The following KIZ variants were observed in gnomAD, a reference collection of about 807,000 sequenced individuals.
The protein encoded by KIZ is centrosomal protein kizuna.
Under a neutral mutation model 79.6 loss-of-function variants are expected in KIZ, and 68 were observed. That is an observed-to-expected ratio of 0.85 (90% confidence interval 0.70 to 1.05). KIZ has a LOEUF of 1.05. Ranked by LOEUF, KIZ falls within the 50% of genes least tolerant of loss-of-function variation. The pLI is 0.00. For missense variants in KIZ, 797 were observed against 800.4 expected, an observed-to-expected ratio of 1.00 and a Z score of 0.05; for synonymous variants, 280 against 281.8, an observed-to-expected ratio of 0.99 and a Z score of 0.06.
At chr20:21,126,240 G>A in intron 1 of KIZ, 36 bp downstream of exon 1, 1 of 1,310,418 alleles carries the variant, frequency 7.6e-7, no homozygotes, top group Non-Finnish European at 1.0e-6. Flanking sequence ...GAGTCGGCCC[G>A]CGCCGGGGGT....
At chr20:21,182,227 G>A (rs1293061078) in intron 6 of KIZ, among the ~76,000 whole-genome samples, 1 of 150,612 alleles carries the variant, frequency 6.6e-6, no homozygotes, top group Non-Finnish European at 1.5e-5. Context: ...AGAGACACAA[G>A]AGAGCTCTGT....
chr20:21,238,050 T>C (rs1207745000), intron 11 of KIZ, among the ~76,000 whole-genome samples: 5 of 152,034 alleles, frequency 3.3e-5, no homozygotes, highest in Non-Finnish European at 5.9e-5. Flanking sequence ...AGGCTGGTCT[T>C]GAACTCCTGA....
chr20:21,137,607 CTTGTTATATTTGCT>C (rs1355224330), intron 3 of KIZ, among the ~76,000 whole-genome samples: 7 of 150,848 alleles, frequency 4.6e-5, no homozygotes, highest in African/African-American at 1.7e-4. Flanking sequence ...TTGTAAATAT[CTTGTTATATTTGCT>C]TTGTATGTGT....
intron 2 of KIZ, chr20:21,132,985 G>A (rs2031948003): frequency 1.3e-5 from 2 of 152,214 alleles, no homozygotes; most frequent in African/African-American, 4.8e-5. Context: ...ATTAAGAGCA[G>A]ATCTTAAATA....
chr20:21,190,265 C>G (rs1051123984), intron 6 of KIZ, among the ~76,000 whole-genome samples: 3 of 152,232 alleles, frequency 2.0e-5, no homozygotes, highest in African/African-American at 7.2e-5. Context: ...GTAGTCCTCA[C>G]AGTTGACGGC....
At chr20:21,216,712 C>CATGA (rs1249100421) in intron 9 of KIZ, among the ~76,000 whole-genome samples, 2 of 152,108 alleles carry the variant, frequency 1.3e-5, no homozygotes, top group African/African-American at 4.8e-5. Context: ...TACAGATAAC[C>CATGA]ATGAAGTCAT....
intron 1 of KIZ, 22 bp downstream of exon 1, chr20:21,126,226 TG>T: frequency 7.7e-7 from 1 of 1,299,044 alleles, no homozygotes; most frequent in Non-Finnish European, 1.0e-6. Flanking sequence ...GGGGCGGGGG[TG>T]GGGAGTCGGC....
chr20:21,163,552 G>T (rs1050985681), intron 6 of KIZ, among the ~76,000 whole-genome samples: 2 of 152,168 alleles, frequency 1.3e-5, no homozygotes, highest in Non-Finnish European at 1.5e-5. Flanking sequence ...TAGGAATGCA[G>T]CATTAGAGTC....
At chr20:21,126,239 C>T (rs2031454866) in intron 1 of KIZ, 35 bp downstream of exon 1, 2 of 1,322,132 alleles carry the variant, frequency 1.5e-6, no homozygotes, top group African/African-American at 3.1e-5. Context: ...GGAGTCGGCC[C>T]GCGCCGGGGG....
chr20:21,209,578 TA>T (rs34527828), intron 7 of KIZ, among the ~76,000 whole-genome samples: 56,003 of 150,980 alleles, frequency 0.37, 10,847 homozygotes, highest in African/African-American at 0.49. Context: ...TCTTCTCATT[TA>T]AAAAAAAAAT....
At chr20:21,201,600 C>T (rs1047606613) in intron 6 of KIZ, among the ~76,000 whole-genome samples, 6 of 152,318 alleles carry the variant, frequency 3.9e-5, no homozygotes, top group South Asian at 2.1e-4. Context: ...AATACGGATA[C>T]ATTTGTTTAA....
At chr20:21,135,810 A>C (rs1298351135) in intron 2 of KIZ, among the ~76,000 whole-genome samples, 1 of 152,302 alleles carries the variant, frequency 6.6e-6, no homozygotes, top group East Asian at 1.9e-4. Flanking sequence ...AAGAGTCTGA[A>C]AGTTTTTTTC....
At chr20:21,132,445 T>C (rs2031913107) in intron 2 of KIZ, among the ~76,000 whole-genome samples, 1 of 152,132 alleles carries the variant, frequency 6.6e-6, no homozygotes, top group Admixed American at 6.6e-5. Flanking sequence ...CCATGCTGGC[T>C]AATTTTTCTA....
chr20:21,141,007 C>G (rs967021875), intron 3 of KIZ, among the ~76,000 whole-genome samples: 2 of 151,198 alleles, frequency 1.3e-5, no homozygotes, highest in Non-Finnish European at 2.9e-5. Context: ...CCCTGGCTCT[C>G]CAAAAAAAAT....
chr20:21,232,932 G>A lies in KIZ; in HGVS notation c.1880+102G>A, dbSNP rs1413730769. The A allele has an allele frequency of 1.3e-5, 9 of 676,776 alleles. No individual in the cohort carries two copies. The African/African-American group carries it at 1.4e-4, about 11-fold the overall frequency. 41.9% of individuals were successfully genotyped at this position (676,776 alleles called of 1,614,324 possible). A position where few individuals can be genotyped will look rare whatever the true frequency, so the allele number is the denominator to read the frequency against. Reference sequence around the variant, plus strand: ...GCGTATTATTTTGTTGTATGACTTGGAGGGTTATGGTTTGGGTTTTTGTTT... The same window carrying A: ...GCGTATTATTTTGTTGTATGACTTGAAGGGTTATGGTTTGGGTTTTTGTTT... On this transcript the variant is annotated intron_variant, in intron 11 of 12. Coordinates refer to ENST00000619189, the MANE Select transcript of KIZ (RefSeq NM_018474.6).
intron 11 of KIZ, among the ~76,000 whole-genome samples, chr20:21,238,066 G>A (rs1264276417): frequency 6.6e-6 from 1 of 152,050 alleles, no homozygotes; most frequent in Non-Finnish European, 1.5e-5. Context: ...CCTGAGCTCA[G>A]GTGATCCACT....
At chr20:21,137,211 G>A (rs538432110) in intron 3 of KIZ, among the ~76,000 whole-genome samples, 1 of 152,362 alleles carries the variant, frequency 6.6e-6, no homozygotes, top group Admixed American at 6.5e-5. Context: ...CTCCTGGTCT[G>A]TGTGACCCAG....
chr20:21,161,563 C>G (rs190135363), intron 4 of KIZ, among the ~76,000 whole-genome samples: 1 of 152,278 alleles, frequency 6.6e-6, no homozygotes, highest in East Asian at 1.9e-4. Context: ...AACTCCTGAC[C>G]TCAGATGATC....
intron 2 of KIZ, 38 bp downstream of exon 2, chr20:21,132,197 TC>T: frequency 1.0e-6 from 1 of 971,702 alleles, no homozygotes; most frequent in Middle Eastern, 2.6e-4. Flanking sequence ...CAAGCCAGGT[TC>T]CATATATTAA....
Sources: allele counts gnomAD v4.1 joint callset (sites outside exome capture counted in the v4.1 genomes callset), GRCh38; gene constraint gnomAD v4.1.1; transcripts MANE v1.5; gene names NCBI Gene and HGNC (gene_info 2026-07-23, HGNC 2026-07-21).